FILIP1L: variants seen among roughly 807,000 people sequenced by gnomAD.
FILIP1L encodes filamin A-interacting protein 1-like.
FILIP1L carries 55 observed loss-of-function variants against 96.6 expected under a neutral mutation model. That is an observed-to-expected ratio of 0.57 (90% CI 0.46 to 0.71). FILIP1L has a LOEUF of 0.71. FILIP1L is among the 30% of genes least tolerant of loss of function. The pLI is 0.00. For missense variants in FILIP1L, 1,304 were observed against 1,321.2 expected, an observed-to-expected ratio of 0.99 and a Z score of 0.20; for synonymous variants, 467 against 473.9, an observed-to-expected ratio of 0.99 and a Z score of 0.19.
At chr3:100,093,799 AC>A (rs2066155714) in intron 1 of FILIP1L, among the ~76,000 whole-genome samples, 1 of 152,226 alleles carries the variant, frequency 6.6e-6, no homozygotes, top group Non-Finnish European at 1.5e-5. Flanking sequence ...GAATCATACA[AC>A]ATGTAACCTT....
chr3:100,033,155 T>C (rs978278049), intron 1 of FILIP1L, among the ~76,000 whole-genome samples: 50 of 152,352 alleles, frequency 3.3e-4, no homozygotes, highest in African/African-American at 1.2e-3. Context: ...GGTTACTGTA[T>C]GGTAATGGAA....
intron 4 of FILIP1L, among the ~76,000 whole-genome samples, chr3:99,854,297 C>G (rs1444730090): frequency 6.6e-6 from 1 of 152,098 alleles, no homozygotes; most frequent in African/African-American, 2.4e-5. Flanking sequence ...CAGGATTTAG[C>G]ATTGATACTT....
chr3:100,059,060 A>C (rs2065515015), intron 1 of FILIP1L, among the ~76,000 whole-genome samples: 1 of 152,218 alleles, frequency 6.6e-6, no homozygotes, highest in African/African-American at 2.4e-5. Flanking sequence ...CCTTTAGGGT[A>C]ATTTCTCTTT....
intron 1 of FILIP1L, among the ~76,000 whole-genome samples, chr3:99,995,560 G>C (rs1709653997): frequency 6.6e-6 from 1 of 152,176 alleles, no homozygotes; most frequent in South Asian, 2.1e-4. Flanking sequence ...GGGACTCTGA[G>C]GGCTTCAGAG....
At chr3:99,913,782 T>C (rs1706868217) in intron 4 of FILIP1L, among the ~76,000 whole-genome samples, 1 of 152,112 alleles carries the variant, frequency 6.6e-6, no homozygotes, top group Admixed American at 6.6e-5. Flanking sequence ...AAGCTGTGAG[T>C]TGGAAATTAC....
In FILIP1L at chr3:99,829,613, TCTC is replaced by T. The variant is rs556454040; in HGVS notation, c.*798_*800del. Among the ~76,000 whole-genome samples the T allele has an allele frequency of 3.1e-3, 469 of 152,286 alleles. 4 individuals are homozygous for T. Among genetic ancestry groups the T allele is most frequent in the African/African-American group, 0.011 (443 of 41,544 alleles). On this transcript the variant is annotated 3_prime_UTR_variant, in exon 6 of 6. Transcript: ENST00000477258. ...TGAAAATCTAGGATTGGAATTTGAGTCTCCTAACCCCAAGCTTTTGTTGAATCA... is the reference window on the plus strand; with the variant it reads ...TGAAAATCTAGGATTGGAATTTGAGTCTAACCCCAAGCTTTTGTTGAATCA...
chr3:99,950,999 C>G (rs565698610), intron 1 of FILIP1L, among the ~76,000 whole-genome samples: 3 of 152,214 alleles, frequency 2.0e-5, no homozygotes, highest in African/African-American at 4.8e-5. Context: ...GATCCAAGCC[C>G]TGCTTGGTTT....
chr3:99,841,593 A>G (rs1053770567), intron 5 of FILIP1L, among the ~76,000 whole-genome samples: 1 of 152,192 alleles, frequency 6.6e-6, no homozygotes, highest in East Asian at 1.9e-4. Context: ...TTATATTTGT[A>G]TATTGTAGTT....
chr3:99,989,863 G>A (rs141865529), intron 1 of FILIP1L, among the ~76,000 whole-genome samples: 260 of 152,124 alleles, frequency 1.7e-3, no homozygotes, highest in Middle Eastern at 6.8e-3. Flanking sequence ...ATTACTGTAT[G>A]TAGTCAATGT....
At chr3:99,872,132 C>T (rs764498557) in intron 4 of FILIP1L, among the ~76,000 whole-genome samples, 1 of 152,070 alleles carries the variant, frequency 6.6e-6, no homozygotes, top group Admixed American at 6.5e-5. Context: ...GGGCCCTGGC[C>T]CTACCTCTGC....
intron 4 of FILIP1L, among the ~76,000 whole-genome samples, chr3:99,912,065 T>C (rs556165741): frequency 9.2e-5 from 14 of 152,320 alleles, no homozygotes; most frequent in Admixed American, 6.5e-4. Context: ...TCATGAGAAA[T>C]CTACATTATC....
chr3:99,960,099 C>T (rs62283538), intron 1 of FILIP1L, among the ~76,000 whole-genome samples: 9,663 of 152,158 alleles, frequency 0.064, 366 homozygotes, highest in Middle Eastern at 0.086. Context: ...GGCTCCATCC[C>T]GACCTGGGTT....
At chr3:100,064,735 T>A (rs1283795246) in intron 1 of FILIP1L, among the ~76,000 whole-genome samples, 1 of 152,226 alleles carries the variant, frequency 6.6e-6, no homozygotes, top group Non-Finnish European at 1.5e-5. Flanking sequence ...ATCATACTCA[T>A]CTGTAAGAAC....
At chr3:100,000,715 T>C (rs1032041696) in intron 1 of FILIP1L, among the ~76,000 whole-genome samples, 2 of 152,222 alleles carry the variant, frequency 1.3e-5, no homozygotes, top group South Asian at 2.1e-4. Flanking sequence ...ACTCTGTCTC[T>C]TAAAAAAATT....
At chr3:100,080,478 G>T (rs916946903) in intron 1 of FILIP1L, among the ~76,000 whole-genome samples, 5 of 152,160 alleles carry the variant, frequency 3.3e-5, no homozygotes, top group Non-Finnish European at 7.3e-5. Flanking sequence ...CAATTTTATA[G>T]TAAGAGATGG....
At chr3:100,063,149 G>C (rs1167449907) in intron 1 of FILIP1L, among the ~76,000 whole-genome samples, 3 of 152,026 alleles carry the variant, frequency 2.0e-5, no homozygotes, top group Admixed American at 1.3e-4. Flanking sequence ...TTTTACTGCT[G>C]AGGTATCAGT....
intron 4 of FILIP1L, among the ~76,000 whole-genome samples, chr3:99,858,313 A>G (rs1414822370): frequency 6.6e-6 from 1 of 151,988 alleles, no homozygotes; most frequent in African/African-American, 2.4e-5. Flanking sequence ...AAAATACAAA[A>G]AATTAGCTGG....
intron 5 of FILIP1L, among the ~76,000 whole-genome samples, chr3:99,841,894 A>T (rs1943149062): frequency 6.6e-6 from 1 of 152,176 alleles, no homozygotes; most frequent in Non-Finnish European, 1.5e-5. Context: ...TGAGAATGTA[A>T]ACTAGTACGA....
rs148424491 is a variant in FILIP1L, at chr3:99,893,014, A to G, written c.605+31216T>C. Reference sequence around the variant, plus strand: ...AAGTGATCAGGACAGTGACTGGAGGAGGAGTGGCAATGCCTTGCTAAGATG... The same window carrying G: ...AAGTGATCAGGACAGTGACTGGAGGGGGAGTGGCAATGCCTTGCTAAGATG... On this transcript the variant is annotated intron_variant, in intron 4 of 5. Coordinates refer to ENST00000477258, the MANE Select transcript of FILIP1L (RefSeq NM_001387850.1). 4.5e-3 allele frequency among the ~76,000 whole-genome samples: 690 copies of G among 152,276 alleles called. 7 individuals are homozygous for G. Among genetic ancestry groups the G allele is most frequent in the African/African-American group, 0.016 (676 of 41,554 alleles).
Sources: gnomAD v4.1 joint callset for allele counts (sites outside exome capture counted in the v4.1 genomes callset) on GRCh38, gnomAD v4.1.1 for gene constraint, MANE v1.5 for transcripts, NCBI Gene and HGNC (gene_info 2026-07-23, HGNC 2026-07-21) for gene names.